Variants in ELF1 observed in about 807,000 individuals in gnomAD.
ELF1 encodes E74 like ETS transcription factor 1, also known as ETS-related transcription factor Elf-1.
A neutral mutation model predicts 59.9 loss-of-function variants in ELF1; 24 were observed. The ratio of observed to expected loss-of-function variants is 0.40; its 90% CI spans 0.29 to 0.56. The LOEUF is 0.56. Ranked by LOEUF, ELF1 falls within the 20% of genes least tolerant of loss-of-function variation. The pLI is 0.44. For synonymous variants in ELF1, 248 were observed against 266.2 expected (o/e 0.93, Z 0.67); for missense variants, 627 against 742.2 (o/e 0.84, Z 1.80).
At position 40,976,791 on chromosome 13, in the gene ELF1, C is replaced by T. The variant is rs149489154; in HGVS notation, c.72+5192G>A. Among the ~76,000 whole-genome samples, 15 of 152,208 alleles carry T rather than the reference C, an allele frequency of 9.9e-5. No homozygotes were observed. In the East Asian group the frequency reaches 2.5e-3, roughly 26 times the overall value. On this transcript the variant is annotated intron_variant, in intron 2 of 8. Coordinates refer to ENST00000239882, the MANE Select transcript of ELF1 (RefSeq NM_172373.4). ...CTGCTCTCATGTGATATACACCACC[C>T]GCTTTGGCCTCCCAAAGTGCTGGGA...
At chr13:41,048,006 C>T (rs1876930262) in intron 1 of ELF1, among the ~76,000 whole-genome samples, 1 of 152,212 alleles carries the variant, frequency 6.6e-6, no homozygotes, top group African/African-American at 2.4e-5. Context: ...CTCACTGCCA[C>T]CTTGCAGTTC....
At chr13:41,005,342 G>T (rs76735517) in intron 1 of ELF1, among the ~76,000 whole-genome samples, 1 of 149,206 alleles carries the variant, frequency 6.7e-6, no homozygotes, top group Non-Finnish European at 1.5e-5. Context: ...AAAACCAAGT[G>T]TCTAAACAAC....
At chr13:40,939,723 C>T (rs1024688093) in intron 8 of ELF1, among the ~76,000 whole-genome samples, 5 of 152,162 alleles carry the variant, frequency 3.3e-5, no homozygotes, top group South Asian at 2.1e-4. Flanking sequence ...GAAATGCTCA[C>T]GGGAGCATTG....
At chr13:41,016,616 A>G (rs566503466) in intron 1 of ELF1, among the ~76,000 whole-genome samples, 7 of 152,116 alleles carry the variant, frequency 4.6e-5, no homozygotes, top group African/African-American at 1.7e-4. Flanking sequence ...TTGCCCTCCT[A>G]AAAGAATATG....
chr13:41,018,753 C>G (rs761716444), intron 1 of ELF1, among the ~76,000 whole-genome samples: 2 of 152,008 alleles, frequency 1.3e-5, no homozygotes, highest in Non-Finnish European at 2.9e-5. Flanking sequence ...TGAGCAACAC[C>G]TATGGCTGAG....
chr13:40,982,227 T>G lies in ELF1; in HGVS notation c.-173A>C. The stretch of plus-strand genomic sequence containing the variant: ...CTTCAGTTTTCCTGGTTCATTGATA[T>G]TCTAGTCAAATTGAGACAATTTTTC... On this transcript the variant is annotated 5_prime_UTR_variant, in exon 2 of 9. Transcript: ENST00000239882. The G allele has an allele frequency of 1.0e-5, 13 of 1,293,714 alleles. No homozygotes were observed. The highest frequency in any genetic ancestry group is 1.2e-5 in the Non-Finnish European group (12 of 1,019,586). 80.1% of individuals were successfully genotyped at this position (1,293,714 alleles called of 1,614,324 possible). A position where few individuals can be genotyped will look rare whatever the true frequency, so the allele number is the denominator to read the frequency against.
At chr13:41,021,277 C>G (rs1875679923), upstream of ELF1, among the ~76,000 whole-genome samples, 1 of 152,220 alleles carries the variant, frequency 6.6e-6, no homozygotes, top group African/African-American at 2.4e-5. Flanking sequence ...AGGAAGTACT[C>G]TGGCCACCAG....
intron 1 of ELF1, among the ~76,000 whole-genome samples, chr13:41,028,672 T>G (rs929164358): frequency 6.6e-6 from 1 of 152,254 alleles, no homozygotes; most frequent in Non-Finnish European, 1.5e-5. Flanking sequence ...TTCTTTCCTC[T>G]TATTCCTTTA....
intron 1 of ELF1, among the ~76,000 whole-genome samples, chr13:41,045,820 A>G (rs1407722355): frequency 5.3e-5 from 8 of 152,170 alleles, no homozygotes; most frequent in Non-Finnish European, 8.8e-5. Context: ...GCTGAGTTCA[A>G]TTCCTGGATA....
At chr13:40,939,690 G>T (rs1337186461) in intron 8 of ELF1, among the ~76,000 whole-genome samples, 1 of 152,110 alleles carries the variant, frequency 6.6e-6, no homozygotes, top group Non-Finnish European at 1.5e-5. Context: ...GAAACTTTTT[G>T]AGCACCAATA....
At position 40,993,125 on chromosome 13, in the gene ELF1, G is replaced by A. The variant is rs749900032; in HGVS notation, c.-228-10843C>T. 40 of 1,586,286 alleles carry A rather than the reference G, an allele frequency of 2.5e-5. No homozygotes were observed. In the Admixed American group the frequency reaches 3.0e-4, roughly 12 times the overall value. Reference sequence around the variant, plus strand: ...AGACTTCCTCTGCAGTGGGGTTTTGGCATTCCTCTAGGACCTGGATACTCT... The same window carrying A: ...AGACTTCCTCTGCAGTGGGGTTTTGACATTCCTCTAGGACCTGGATACTCT... On this transcript the variant is annotated intron_variant, in intron 1 of 8. Coordinates refer to ENST00000239882, the MANE Select transcript of ELF1 (RefSeq NM_172373.4).
intron 1 of ELF1, among the ~76,000 whole-genome samples, chr13:41,030,925 C>T (rs1876133915): frequency 6.6e-6 from 1 of 151,722 alleles, no homozygotes; most frequent in African/African-American, 2.4e-5. Context: ...CTTCAGGGAA[C>T]TGAAGCAGGT....
At chr13:40,966,265 A>G (rs898797513) in intron 2 of ELF1, among the ~76,000 whole-genome samples, 9 of 152,242 alleles carry the variant, frequency 5.9e-5, no homozygotes, top group Non-Finnish European at 1.3e-4. Flanking sequence ...CTGCAGTGAT[A>G]AAGTAATTTT....
At chr13:40,959,899 C>A (rs1000270623) in intron 2 of ELF1, among the ~76,000 whole-genome samples, 2 of 152,134 alleles carry the variant, frequency 1.3e-5, no homozygotes, top group African/African-American at 4.8e-5. Flanking sequence ...ACTAAAAACT[C>A]AGTTAATTAG....
At position 40,933,578 on chromosome 13, in the gene ELF1, T is replaced by TA. The variant is rs778882739; in HGVS notation, c.1706dup (p.Glu570ArgfsTer6). The TA allele has an allele frequency of 1.8e-5, 29 of 1,614,248 alleles. No individual in the cohort carries two copies. The highest frequency in any genetic ancestry group is 2.5e-5 in the Non-Finnish European group (29 of 1,180,044). ...AATGATCTTCAGATTCCTTTTTCTCTACTTCCTGTGTAAGAGTTTTTGTTT... is the reference window on the plus strand; with the variant it reads ...AATGATCTTCAGATTCCTTTTTCTCTAACTTCCTGTGTAAGAGTTTTTGTTT... On this transcript the variant is annotated frameshift_variant, in exon 9 of 9. Transcript: ENST00000239882. LOFTEE classifies it high-confidence loss of function.
intron 1 of ELF1, among the ~76,000 whole-genome samples, chr13:41,011,543 A>G (rs1404417053): frequency 6.6e-6 from 1 of 152,124 alleles, no homozygotes; most frequent in East Asian, 1.9e-4. Context: ...TCCTGGGCTC[A>G]AGTGATCCTC....
intron 1 of ELF1, among the ~76,000 whole-genome samples, chr13:41,031,969 T>C (rs1876183073): frequency 6.6e-6 from 1 of 151,988 alleles, no homozygotes; most frequent in Admixed American, 6.6e-5. Flanking sequence ...ACTAATAAAA[T>C]GTAGAAATAC....
intron 1 of ELF1, among the ~76,000 whole-genome samples, chr13:41,005,226 T>C (rs181101689): frequency 1.8e-4 from 28 of 152,222 alleles, no homozygotes; most frequent in African/African-American, 6.5e-4. Flanking sequence ...TCTTGGGATC[T>C]AAGATTCAAT....
chr13:41,060,992 A>C (rs1178495880), exon 1 of ELF1: 1 of 264,398 alleles, frequency 3.8e-6, no homozygotes, highest in Non-Finnish European at 7.6e-6. Context: ...GCCCCATCCG[A>C]GCGCGTGGGC....
Sources: allele counts gnomAD v4.1 joint callset (sites outside exome capture counted in the v4.1 genomes callset), GRCh38; gene constraint gnomAD v4.1.1; transcripts MANE v1.5; gene names NCBI Gene and HGNC (gene_info 2026-07-23, HGNC 2026-07-21).